Variants in WWTR1 observed in about 807,000 individuals in gnomAD.
The protein encoded by WWTR1 is WW domain containing transcription regulator 1, also known as WW domain-containing transcription regulator protein 1.
WWTR1 carries 13 observed loss-of-function variants against 40.1 expected under a neutral mutation model. The observed-to-expected ratio is 0.32, with a 90% confidence interval of 0.21 to 0.52. WWTR1 has a LOEUF of 0.52. Ranked by LOEUF, WWTR1 falls within the 20% of genes least tolerant of loss-of-function variation. WWTR1 has a pLI of 0.97. For missense variants in WWTR1, 436 were observed against 523.1 expected (o/e 0.83, Z 1.63); for synonymous variants, 230 against 210.1 (o/e 1.09, Z -0.82).
At position 149,589,870 on chromosome 3, in the gene WWTR1, A is replaced by T. The variant is rs4681528; in HGVS notation, c.432-16870T>A. Among the ~76,000 whole-genome samples, 8 of 152,018 alleles carry T rather than the reference A, an allele frequency of 5.3e-5. No homozygotes were observed. The East Asian group carries it at 1.5e-3, about 29-fold the overall frequency. On this transcript the variant is annotated intron_variant, in intron 2 of 6. Transcript: ENST00000360632. ...ATCATTTTGCTTCTAGGTATCAAAT[A>T]TAACAGTTGAATCTTATTCACATCA...
intron 1 of WWTR1, among the ~76,000 whole-genome samples, chr3:149,673,942 T>G (rs1714176795): frequency 6.6e-6 from 1 of 151,962 alleles, no homozygotes; most frequent in Non-Finnish European, 1.5e-5. Flanking sequence ...CTGGATATGA[T>G]GGCTCATGTT....
At chr3:149,525,802 G>A (rs1410812117) in intron 6 of WWTR1, 6 of 347,828 alleles carry the variant, frequency 1.7e-5, no homozygotes, top group Non-Finnish European at 2.5e-5. Flanking sequence ...AAACTATTGG[G>A]TACTATGCTC....
In WWTR1 at chr3:149,677,066, G is replaced by A. The variant is rs143066591; in HGVS notation, c.-107-7175C>T. Among the ~76,000 whole-genome samples the A allele has an allele frequency of 9.1e-4, 139 of 151,938 alleles. 4 individuals are homozygous for A. In the East Asian group the frequency reaches 0.025, roughly 27 times the overall value. ...GGAGTAGCTGGCATTACAGGCATGC[G>A]CCACCACGCCCAGCTAATTTTGTAT... On this transcript the variant is annotated intron_variant, in intron 1 of 7. Coordinates refer to the WWTR1 transcript ENST00000465804.
At chr3:149,653,540 A>G (rs1278406608) in intron 2 of WWTR1, among the ~76,000 whole-genome samples, 1 of 152,252 alleles carries the variant, frequency 6.6e-6, no homozygotes, top group Non-Finnish European at 1.5e-5. Flanking sequence ...TCTGAATACC[A>G]CAGGACACCT....
intron 4 of WWTR1, among the ~76,000 whole-genome samples, chr3:149,719,547 T>G (rs1403612787): frequency 6.6e-6 from 1 of 152,228 alleles, no homozygotes; most frequent in Non-Finnish European, 1.5e-5. Flanking sequence ...CCTCTTGGGT[T>G]GCTTCAATGT....
At chr3:149,653,213 T>C (rs1416757391) in intron 2 of WWTR1, among the ~76,000 whole-genome samples, 3 of 152,246 alleles carry the variant, frequency 2.0e-5, no homozygotes, top group Admixed American at 2.0e-4. Flanking sequence ...CTTTCTTCTT[T>C]ATAATTCCCC....
chr3:149,572,246 T>C (rs899854121), intron 3 of WWTR1, among the ~76,000 whole-genome samples: 1 of 151,832 alleles, frequency 6.6e-6, no homozygotes, highest in Non-Finnish European at 1.5e-5. Flanking sequence ...AGGTAAGGCA[T>C]GGAAGCACTT....
At chr3:149,656,789 T>TCA (rs1481000636) in intron 2 of WWTR1, 87 bp downstream of exon 2, 46 of 793,042 alleles carry the variant, frequency 5.8e-5, no homozygotes, top group African/African-American at 5.1e-4. Context: ...TCTCTCTCTC[T>TCA]CTCACACACA....
intron 2 of WWTR1, among the ~76,000 whole-genome samples, chr3:149,616,138 A>G (rs550675202): frequency 2.0e-5 from 3 of 152,268 alleles, no homozygotes; most frequent in African/African-American, 7.2e-5. Context: ...GCTACACTGC[A>G]CTCAGCCACC....
intron 2 of WWTR1, 95 bp downstream of exon 2, chr3:149,656,781 T>TCACACACA (rs1396422378): frequency 9.9e-7 from 1 of 1,007,206 alleles, no homozygotes. Context: ...TCTCTCTCTC[T>TCACACACA]CTCTCTCTCT....
At chr3:149,572,725 T>A (rs1383851738) in intron 3 of WWTR1, 139 bp downstream of exon 3, 1 of 1,033,382 alleles carries the variant, frequency 9.7e-7, no homozygotes, top group Non-Finnish European at 1.4e-6. Flanking sequence ...TTCATGCCTG[T>A]TATCGCAGCA....
chr3:149,651,689 G>C (rs75628241), intron 2 of WWTR1, among the ~76,000 whole-genome samples: 12,795 of 152,086 alleles, frequency 0.084, 696 homozygotes, highest in Middle Eastern at 0.18. Context: ...TTTGACTTTG[G>C]GGCTAGATAT....
chr3:149,614,243 C>T (rs934008750), intron 2 of WWTR1, among the ~76,000 whole-genome samples: 1 of 152,176 alleles, frequency 6.6e-6, no homozygotes, highest in Non-Finnish European at 1.5e-5. Flanking sequence ...TAAATAACTC[C>T]TACTGCCTGG....
chr3:149,554,515 G>A (rs1301702065), intron 3 of WWTR1, among the ~76,000 whole-genome samples: 3 of 152,090 alleles, frequency 2.0e-5, no homozygotes, highest in Non-Finnish European at 4.4e-5. Flanking sequence ...TTTTTCAGGT[G>A]TAAAATAGAA....
chr3:149,623,524 G>A (rs1740412005), intron 2 of WWTR1, among the ~76,000 whole-genome samples: 2 of 152,162 alleles, frequency 1.3e-5, no homozygotes, highest in African/African-American at 2.4e-5. Flanking sequence ...GCTGTGAAAG[G>A]CATCCCACAT....
intron 4 of WWTR1, among the ~76,000 whole-genome samples, chr3:149,532,832 A>T (rs145182906): frequency 2.0e-5 from 3 of 152,372 alleles, no homozygotes; most frequent in Non-Finnish European, 4.4e-5. Flanking sequence ...TAGACCAAAC[A>T]GCAGCAGTCA....
Position 149,692,719 on chromosome 3 carries a change from T to C in WWTR1, c.-108+10405A>G, listed in dbSNP as rs897033594. On this transcript the variant is annotated intron_variant, in intron 1 of 7. Coordinates refer to the WWTR1 transcript ENST00000465804. ...TGCGATCTCAGCTCACTGCAACCTC[T>C]GCCTCTCAGGTTCAAGCGATTTTCC... 2.6e-5 allele frequency among the ~76,000 whole-genome samples: 4 copies of C among 152,270 alleles called. No homozygotes were observed. The East Asian group carries it at 7.7e-4, about 29-fold the overall frequency.
chr3:149,529,246 G>A (rs905863850), intron 4 of WWTR1, among the ~76,000 whole-genome samples: 1 of 152,124 alleles, frequency 6.6e-6, no homozygotes, highest in Non-Finnish European at 1.5e-5. Flanking sequence ...AGAACATTTA[G>A]GACTTCTAAA....
intron 2 of WWTR1, among the ~76,000 whole-genome samples, chr3:149,648,360 C>A (rs1295187235): frequency 6.6e-6 from 1 of 151,966 alleles, no homozygotes; most frequent in African/African-American, 2.4e-5. Flanking sequence ...TCAAGTTAAG[C>A]AATGCCAAGC....
Sources: gnomAD v4.1 joint callset for allele counts (sites outside exome capture counted in the v4.1 genomes callset) on GRCh38, gnomAD v4.1.1 for gene constraint, MANE v1.5 for transcripts, NCBI Gene and HGNC (gene_info 2026-07-23, HGNC 2026-07-21) for gene names.